Variants in GKAP1 observed in about 807,000 individuals in gnomAD.
GKAP1 encodes G kinase anchoring protein 1.
A neutral mutation model predicts 56.7 loss-of-function variants in GKAP1; 31 were observed. The ratio of observed to expected loss-of-function variants is 0.55; its 90% CI spans 0.41 to 0.74. The LOEUF (loss-of-function observed/expected upper bound fraction) is 0.74. Ranked by LOEUF, GKAP1 falls within the 30% of genes least tolerant of loss-of-function variation. The pLI is 0.00. For missense variants in GKAP1, 364 were observed against 402.3 expected (o/e 0.90, Z 0.82); for synonymous variants, 151 against 138.6 (o/e 1.09, Z -0.63).
At chr9:83,768,408 T>C (rs990308723) in intron 8 of GKAP1, among the ~76,000 whole-genome samples, 1 of 152,186 alleles carries the variant, frequency 6.6e-6, no homozygotes, top group Admixed American at 6.5e-5. Flanking sequence ...TCAATTACCT[T>C]TGCTATTCAA....
intron 3 of GKAP1, among the ~76,000 whole-genome samples, chr9:83,801,109 G>A (rs1944324560): frequency 6.6e-6 from 1 of 152,138 alleles, no homozygotes; most frequent in African/African-American, 2.4e-5. Flanking sequence ...GCTGAATTAG[G>A]TTGGGCCCTA....
rs533367963 is a variant in GKAP1, at chr9:83,798,793, G to C, written c.360+392C>G. On this transcript the variant is annotated intron_variant, in intron 4 of 12. Coordinates refer to ENST00000376371, the MANE Select transcript of GKAP1 (RefSeq NM_025211.4). ...AGACTCCCAAATTGCTGGGATTACA[G>C]GTGTGAGCCACCTGTAGGCTGTACA... Among the ~76,000 whole-genome samples, 4 of 152,224 alleles carry C rather than the reference G, an allele frequency of 2.6e-5. No homozygotes were observed. The East Asian group carries it at 7.7e-4, about 29-fold the overall frequency.
chr9:83,790,683 C>T (rs1240808496), intron 4 of GKAP1, among the ~76,000 whole-genome samples: 1 of 151,984 alleles, frequency 6.6e-6, no homozygotes, highest in Non-Finnish European at 1.5e-5. Context: ...CATGGTGGTG[C>T]ATGCCTGTAA....
chr9:83,799,148 A>T, intron 4 of GKAP1, 37 bp downstream of exon 4: 1 of 1,592,434 alleles, frequency 6.3e-7, no homozygotes, highest in Non-Finnish European at 8.6e-7. Context: ...CCATAAATTC[A>T]ATGAAAAACA....
chr9:83,787,951 T>C (rs527771880), intron 5 of GKAP1, among the ~76,000 whole-genome samples: 84 of 152,318 alleles, frequency 5.5e-4, no homozygotes, highest in African/African-American at 2.0e-3. Context: ...ATATTAAAAT[T>C]TTAAATCCAC....
chr9:83,788,634 T>C lies in GKAP1; in HGVS notation c.405A>G (p.Leu135=), dbSNP rs144864492. ...GCTCTTCATATTCTAGTTTACTTAG[T>C]AACAATGCCTTCTCAAGATCTGCTT... The part of the protein sequence containing the change: ...MFEADLEKAL[L]LSKLEYEEHK... The change falls in exon 5 of 13, where the codon TTA becomes TTG. Residue 135 remains leucine, a synonymous_variant. Coordinates refer to ENST00000376371, the MANE Select transcript of GKAP1 (RefSeq NM_025211.4). 7 of 1,604,528 alleles carry C rather than the reference T, an allele frequency of 4.4e-6. No individual in the cohort carries two copies. In the East Asian group the frequency reaches 9.0e-5, roughly 21 times the overall value.
intron 4 of GKAP1, chr9:83,793,010 CT>C (rs771412137): frequency 2.8e-5 from 36 of 1,277,930 alleles, no homozygotes; most frequent in Non-Finnish European, 2.5e-5. Flanking sequence ...TTGCCTCCTA[CT>C]CCCCATCTAG....
chr9:83,803,348 C>A (rs918527296), intron 3 of GKAP1, among the ~76,000 whole-genome samples: 1 of 151,948 alleles, frequency 6.6e-6, no homozygotes, highest in Admixed American at 6.5e-5. Flanking sequence ...ACTGCAACCT[C>A]CCTGCCTGAT....
intron 3 of GKAP1, among the ~76,000 whole-genome samples, chr9:83,804,660 C>A (rs1459838105): frequency 6.9e-6 from 1 of 144,706 alleles, no homozygotes; most frequent in African/African-American, 2.6e-5. Context: ...CCGCCCCGTC[C>A]GGGAGGGAGG....
At chr9:83,741,548 G>A (rs778506581) in intron 12 of GKAP1, among the ~76,000 whole-genome samples, 1 of 151,900 alleles carries the variant, frequency 6.6e-6, no homozygotes, top group African/African-American at 2.4e-5. Context: ...GATGAAAAGG[G>A]TATTCATACA....
intron 4 of GKAP1, chr9:83,792,991 A>T: frequency 7.8e-7 from 1 of 1,279,856 alleles, no homozygotes; most frequent in Non-Finnish European, 1.0e-6. Context: ...CTTCCTCTTG[A>T]CTTCCTCATT....
intron 8 of GKAP1, 82 bp from the exon 9 acceptor site, chr9:83,753,441 G>A (rs1057291661): frequency 5.3e-6 from 5 of 940,458 alleles, no homozygotes; most frequent in Non-Finnish European, 6.7e-6. Context: ...AAAAGTTTAA[G>A]AGGAAAAATT....
chr9:83,814,111 GAAAAA>G (rs200707833), intron 2 of GKAP1, among the ~76,000 whole-genome samples: 2 of 141,800 alleles, frequency 1.4e-5, no homozygotes, highest in African/African-American at 5.2e-5. Context: ...AGAAGAAAAA[GAAAAA>G]AAAAAGATGG....
chr9:83,749,606 C>T (rs1445558507), intron 9 of GKAP1, among the ~76,000 whole-genome samples: 1 of 151,848 alleles, frequency 6.6e-6, no homozygotes, highest in African/African-American at 2.4e-5. Flanking sequence ...AAAACAAAAC[C>T]CTAAAGAAAA....
chr9:83,803,576 G>C (rs1283752314), intron 3 of GKAP1, among the ~76,000 whole-genome samples: 1 of 152,234 alleles, frequency 6.6e-6, no homozygotes. Flanking sequence ...CCAGGCTGGA[G>C]TGCAGTGGCG....
intron 8 of GKAP1, among the ~76,000 whole-genome samples, chr9:83,759,010 A>T (rs1943524834): frequency 6.6e-6 from 1 of 152,084 alleles, no homozygotes; most frequent in South Asian, 2.1e-4. Context: ...TAATTTTTTC[A>T]TTTATGAAAA....
Position 83,765,174 on chromosome 9 carries a change from G to A in GKAP1, c.738+3644C>T, listed in dbSNP as rs548124217. ...GCTGCTCCAGCCATGGCTAAAAATG[G>A]GGCCAAGGTACAGCTCAGACTTTTG... On this transcript the variant is annotated intron_variant, in intron 8 of 12. Transcript: ENST00000376371. Among the ~76,000 whole-genome samples, 82 of 152,316 alleles carry A rather than the reference G, an allele frequency of 5.4e-4. 3 individuals are homozygous for A. In the South Asian group the frequency reaches 0.017, roughly 32 times the overall value.
chr9:83,751,604 A>G (rs1159291843), intron 9 of GKAP1, among the ~76,000 whole-genome samples: 1 of 152,208 alleles, frequency 6.6e-6, no homozygotes, highest in Non-Finnish European at 1.5e-5. Flanking sequence ...AAGAACCATC[A>G]GGGCTGGAAC....
At chr9:83,752,259 A>AGGCATGGTGGTGCG (rs1012864791) in intron 9 of GKAP1, among the ~76,000 whole-genome samples, 15 of 152,148 alleles carry the variant, frequency 9.9e-5, no homozygotes, top group African/African-American at 3.6e-4. Context: ...AAAATTAGCC[A>AGGCATGGTGGTGCG]GGCATGGTGG....
Sources: allele counts gnomAD v4.1 joint callset (sites outside exome capture counted in the v4.1 genomes callset), GRCh38; gene constraint gnomAD v4.1.1; transcripts MANE v1.5; gene names NCBI Gene and HGNC (gene_info 2026-07-23, HGNC 2026-07-21).